The following HMGB1 variants were observed in gnomAD, a reference collection of about 807,000 sequenced individuals.
HMGB1 encodes the protein high mobility group box 1.
For missense variants in HMGB1, 79 were observed against 253.5 expected (o/e 0.31, Z 4.67); for synonymous variants, 81 against 84.0 (o/e 0.96, Z 0.19).
chr13:30,561,225 G>C (rs1009316991), intron 1 of HMGB1, among the ~76,000 whole-genome samples: 2 of 152,212 alleles, frequency 1.3e-5, no homozygotes, highest in African/African-American at 4.8e-5. Context: ...TTTCAGAAAG[G>C]AGGGAATGGT....
chr13:30,604,984 A>G (rs1210496725), intron 1 of HMGB1, among the ~76,000 whole-genome samples: 4 of 152,178 alleles, frequency 2.6e-5, no homozygotes, highest in Middle Eastern at 3.2e-3. Flanking sequence ...ACTGGTGACC[A>G]TATTCGCTGA....
intron 1 of HMGB1, among the ~76,000 whole-genome samples, chr13:30,575,071 G>T (rs1870589056): frequency 6.6e-6 from 1 of 152,170 alleles, no homozygotes; most frequent in African/African-American, 2.4e-5. Flanking sequence ...AAAAGTATCT[G>T]CATGGTGTGC....
intron 1 of HMGB1, among the ~76,000 whole-genome samples, chr13:30,573,135 T>C (rs1870504213): frequency 6.6e-6 from 1 of 152,202 alleles, no homozygotes; most frequent in Admixed American, 6.5e-5. Flanking sequence ...GGGTCTGAAT[T>C]GCAAAGGAGG....
chr13:30,524,358 G>GAA (rs375891963), intron 1 of HMGB1, among the ~76,000 whole-genome samples: 1,012 of 39,994 alleles, frequency 0.025, 16 homozygotes, highest in African/African-American at 0.041. Context: ...AAAAAAAAAA[G>GAA]AAAAAAAAGA....
chr13:30,571,781 T>G (rs1870446523), intron 1 of HMGB1, among the ~76,000 whole-genome samples: 1 of 152,188 alleles, frequency 6.6e-6, no homozygotes. Context: ...TAAGGAAGAT[T>G]AACAAATGAA....
At position 30,542,135 on chromosome 13, in the gene HMGB1, G is replaced by A. The variant is rs115947602; in HGVS notation, c.-15+74536C>T. 6.1e-3 allele frequency: 945 copies of A among 154,770 alleles called. 4 individuals are homozygous for A. Among genetic ancestry groups the A allele is most frequent in the African/African-American group, 0.022 (921 of 41,546 alleles). The allele number at this position is 154,770 out of a possible 1,614,324, so 9.6% of individuals were successfully genotyped here. ...AGTAGTGCGGCCCCGCCTGCTCTCC[G>A]CAGGCTCTTCCATGGTCTCCTACAG... is the stretch of plus-strand genomic sequence containing the variant. On this transcript the variant is annotated intron_variant, in intron 1 of 4. Coordinates refer to the HMGB1 transcript ENST00000405805.
At chr13:30,594,592 T>G (rs540844751) in intron 1 of HMGB1, among the ~76,000 whole-genome samples, 1 of 152,344 alleles carries the variant, frequency 6.6e-6, no homozygotes, top group East Asian at 1.9e-4. Context: ...GTATTCCATG[T>G]TGTATAGGTA....
intron 1 of HMGB1, among the ~76,000 whole-genome samples, chr13:30,526,711 C>T (rs1888375856): frequency 6.6e-6 from 1 of 152,182 alleles, no homozygotes; most frequent in African/African-American, 2.4e-5. Flanking sequence ...CACCACGAGC[C>T]CTAGCTCCAC....
chr13:30,498,529 C>G (rs929490725), intron 1 of HMGB1, among the ~76,000 whole-genome samples: 2 of 152,006 alleles, frequency 1.3e-5, no homozygotes, highest in Non-Finnish European at 2.9e-5. Flanking sequence ...CACTCTATCC[C>G]TTTATGCCCC....
In HMGB1 at chr13:30,456,869, T is replaced by C. The variant is rs1886013390; in HGVS notation, c.*4488A>G. The stretch of plus-strand genomic sequence containing the variant: ...TTTGAGGTATCTGAAGACCCACACA[T>C]GCCTGAGAGAAATGTACAGATGTTC... On this transcript the variant is annotated 3_prime_UTR_variant, in exon 5 of 5. Coordinates refer to ENST00000341423, the MANE Select transcript of HMGB1 (RefSeq NM_002128.7). 6.7e-6 allele frequency: 1 copy of C among 149,116 alleles called. No homozygotes were observed. The allele number at this position is 149,116 out of a possible 1,614,324, so 9.2% of individuals were successfully genotyped here.
At chr13:30,611,932 C>T (rs1170338493) in intron 1 of HMGB1, among the ~76,000 whole-genome samples, 2 of 150,652 alleles carry the variant, frequency 1.3e-5, no homozygotes, top group African/African-American at 4.9e-5. Context: ...TACGTCTGAA[C>T]TAACAAACAT....
intron 1 of HMGB1, among the ~76,000 whole-genome samples, chr13:30,574,005 T>C (rs1219351557): frequency 6.6e-6 from 1 of 152,092 alleles, no homozygotes; most frequent in Non-Finnish European, 1.5e-5. Context: ...GCAATATCAA[T>C]AATCATGTTC....
chr13:30,554,046 T>C (rs1223227691), intron 1 of HMGB1: 29 of 1,421,776 alleles, frequency 2.0e-5, no homozygotes, highest in Non-Finnish European at 2.7e-5. Context: ...ATGTGCGCAG[T>C]ACTGGCCAAC....
intron 1 of HMGB1, chr13:30,541,725 T>C (rs1868898579): frequency 6.3e-6 from 1 of 158,662 alleles, no homozygotes; most frequent in Admixed American, 6.4e-5. Flanking sequence ...GTGTTCTGGG[T>C]ACTCTCTTGG....
At chr13:30,505,456 G>GCA (rs1887839540) in intron 1 of HMGB1, among the ~76,000 whole-genome samples, 4 of 152,046 alleles carry the variant, frequency 2.6e-5, no homozygotes, top group South Asian at 4.1e-4. Flanking sequence ...GGGATTACAG[G>GCA]TGTAAGCCAC....
At chr13:30,513,113 A>G (rs1294570446) in intron 1 of HMGB1, among the ~76,000 whole-genome samples, 1 of 152,160 alleles carries the variant, frequency 6.6e-6, no homozygotes, top group Non-Finnish European at 1.5e-5. Flanking sequence ...TAGTGAGCTG[A>G]GATCACACCA....
At chr13:30,591,604 G>A (rs746069250) in intron 1 of HMGB1, among the ~76,000 whole-genome samples, 3 of 150,986 alleles carry the variant, frequency 2.0e-5, no homozygotes, top group Non-Finnish European at 2.9e-5. Flanking sequence ...TCTGCCTCTC[G>A]GGCTCAGCGA....
chr13:30,553,686 G>C lies in HMGB1; in HGVS notation c.-15+62985C>G, dbSNP rs115654987. 544 of 848,610 alleles carry C rather than the reference G, an allele frequency of 6.4e-4. 1 individual carries two copies. The African/African-American group carries it at 8.0e-3, about 13-fold the overall frequency. The allele number at this position is 848,610 out of a possible 1,614,324, so 52.6% of individuals were successfully genotyped here. A position where few individuals can be genotyped will look rare whatever the true frequency, so the allele number is the denominator to read the frequency against. ...TGTCCCAGCCATGCCCACCATCATT[G>C]AGCGGGAGTTCAAGGAGTTGGATGC... On this transcript the variant is annotated intron_variant, in intron 1 of 4. Coordinates refer to the HMGB1 transcript ENST00000405805.
At chr13:30,553,055 G>A (rs925066852) in intron 1 of HMGB1, among the ~76,000 whole-genome samples, 6 of 152,152 alleles carry the variant, frequency 3.9e-5, no homozygotes, top group Non-Finnish European at 7.4e-5. Flanking sequence ...TGAGGGACAG[G>A]AGCTCATAGA....
Sources: gnomAD v4.1 joint callset for allele counts (sites outside exome capture counted in the v4.1 genomes callset) on GRCh38, gnomAD v4.1.1 for gene constraint, MANE v1.5 for transcripts, NCBI Gene and HGNC (gene_info 2026-07-23, HGNC 2026-07-21) for gene names.